The following RERE variants were observed in gnomAD, a reference collection of about 807,000 sequenced individuals.
The protein encoded by RERE is arginine-glutamic acid dipeptide repeats protein.
In RERE, 40 loss-of-function variants were observed where a neutral mutation model predicts 146.1. The ratio of observed to expected loss-of-function variants is 0.27; its 90% CI spans 0.21 to 0.36. The LOEUF (loss-of-function observed/expected upper bound fraction) is 0.36. Ranked by LOEUF, RERE falls within the 10% of genes least tolerant of loss-of-function variation. The probability of loss-of-function intolerance (pLI) is 1.00; values close to 1 mark genes in which losing one functional copy is unlikely to be tolerated. For missense variants in RERE, 1,933 were observed against 2,138.7 expected (o/e 0.90, Z 1.90); for synonymous variants, 1,003 against 866.0 (o/e 1.16, Z -2.78).
intron 1 of RERE, among the ~76,000 whole-genome samples, chr1:8,765,083 A>G (rs1640822202): frequency 6.6e-6 from 1 of 152,230 alleles, no homozygotes; most frequent in South Asian, 2.1e-4. Context: ...TTAACAGCCA[A>G]AAAGTAGAAC....
At chr1:8,650,022 C>T (rs1043742970) in intron 2 of RERE, among the ~76,000 whole-genome samples, 25 of 151,882 alleles carry the variant, frequency 1.6e-4, no homozygotes, top group Non-Finnish European at 3.1e-4. Flanking sequence ...AGTGTGTTAC[C>T]GAGACGAGAA....
intron 1 of RERE, among the ~76,000 whole-genome samples, chr1:8,673,664 A>G (rs1331785708): frequency 6.6e-6 from 1 of 152,244 alleles, no homozygotes; most frequent in African/African-American, 2.4e-5. Context: ...TGTGAAATAA[A>G]CAAAGGGCTC....
intron 12 of RERE, among the ~76,000 whole-genome samples, chr1:8,386,020 ATATTTTTTTT>A (rs1295620978): frequency 4.1e-4 from 15 of 36,692 alleles, no homozygotes; most frequent in African/African-American, 1.2e-3. Context: ...ATATATATAT[ATATTTTTTTT>A]TTTTTTTTTT....
chr1:8,383,589 G>A lies in RERE; in HGVS notation c.1285-17615C>T, dbSNP rs1012575971. Among the ~76,000 whole-genome samples, 10 of 152,214 alleles carry A rather than the reference G, an allele frequency of 6.6e-5. No homozygotes were observed. The East Asian group carries it at 1.2e-3, about 18-fold the overall frequency. On this transcript the variant is annotated intron_variant, in intron 12 of 22. Coordinates refer to ENST00000400908, the MANE Select transcript of RERE (RefSeq NM_001042681.2). ...CAATTTATGCCCAAGGGCCAGGTGC[G>A]GTGGCTCATACCTGTAATCCCAGCA...
At chr1:8,473,530 T>C (rs1644716999) in intron 10 of RERE, among the ~76,000 whole-genome samples, 1 of 152,230 alleles carries the variant, frequency 6.6e-6, no homozygotes, top group Admixed American at 6.5e-5. Flanking sequence ...ACTGTACTGA[T>C]TCATTCAGAG....
chr1:8,499,717 T>C (rs1016575768), intron 8 of RERE, among the ~76,000 whole-genome samples: 22 of 152,260 alleles, frequency 1.4e-4, no homozygotes, highest in African/African-American at 5.1e-4. Flanking sequence ...CAAGCTGACT[T>C]TCTCCAAGCA....
At chr1:8,767,780 T>A (rs1276877185) in intron 1 of RERE, among the ~76,000 whole-genome samples, 1 of 151,952 alleles carries the variant, frequency 6.6e-6, no homozygotes, top group Non-Finnish European at 1.5e-5. Flanking sequence ...CTGGCCAACA[T>A]GGTGAAACCT....
chr1:8,662,610 T>C (rs1283751628), intron 1 of RERE, among the ~76,000 whole-genome samples: 1 of 151,968 alleles, frequency 6.6e-6, no homozygotes, highest in Non-Finnish European at 1.5e-5. Flanking sequence ...GGTGGGAGGA[T>C]TGTTTGAGGC....
At position 8,802,407 on chromosome 1, in the gene RERE, T is replaced by A. The variant is rs1037798103; in HGVS notation, c.-145+14753A>T. Reference sequence around the variant, plus strand: ...TTTAAAAAGAAAATTGAAACACAATTTAATAATCCCCATCATAGAAGCAGC... The same window carrying A: ...TTTAAAAAGAAAATTGAAACACAATATAATAATCCCCATCATAGAAGCAGC... On this transcript the variant is annotated intron_variant, in intron 1 of 22. Coordinates refer to ENST00000400908, the MANE Select transcript of RERE (RefSeq NM_001042681.2). Among the ~76,000 whole-genome samples, 57 of 152,318 alleles carry A rather than the reference T, an allele frequency of 3.7e-4. 1 individual carries two copies. Among genetic ancestry groups the A allele is most frequent in the Admixed American group, 3.7e-3 (57 of 15,294 alleles).
chr1:8,521,942 A>G (rs74516117), intron 7 of RERE, among the ~76,000 whole-genome samples: 2,018 of 152,374 alleles, frequency 0.013, 44 homozygotes, highest in African/African-American at 0.046. Context: ...AATCACAAAT[A>G]AATGTGTAGC....
chr1:8,405,825 G>C (rs766128320), intron 12 of RERE, among the ~76,000 whole-genome samples: 1 of 152,060 alleles, frequency 6.6e-6, no homozygotes. Context: ...TTTTAGTAGA[G>C]AGAGTTTCAC....
chr1:8,433,746 G>C (rs962205468), intron 11 of RERE, among the ~76,000 whole-genome samples: 6 of 150,986 alleles, frequency 4.0e-5, no homozygotes, highest in African/African-American at 1.5e-4. Context: ...ATTTTTAGTA[G>C]AGACGGGGTT....
chr1:8,794,065 C>CA (rs999908345), intron 1 of RERE, among the ~76,000 whole-genome samples: 1,660 of 127,948 alleles, frequency 0.013, 17 homozygotes, highest in African/African-American at 0.022. Flanking sequence ...AAGACTGTCT[C>CA]AAAAAAAAAA....
At chr1:8,725,432 G>C (rs1222156451) in intron 1 of RERE, among the ~76,000 whole-genome samples, 1 of 152,114 alleles carries the variant, frequency 6.6e-6, no homozygotes, top group Non-Finnish European at 1.5e-5. Flanking sequence ...CGGGCATGGT[G>C]GTGGGCGCCT....
At chr1:8,429,961 A>G (rs2124481141) in intron 11 of RERE, 1 of 152,356 alleles carries the variant, frequency 6.6e-6, no homozygotes, top group Middle Eastern at 3.4e-3. Flanking sequence ...GACATGTCCT[A>G]AATGTTAAAT....
In RERE at chr1:8,600,399, C is replaced by T. The variant is rs373605141; in HGVS notation, c.522+14162G>A. On this transcript the variant is annotated intron_variant, in intron 4 of 22. Transcript: ENST00000400908. The stretch of plus-strand genomic sequence containing the variant: ...CTTTAAGAATTTTTTAACAATTCAT[C>T]AGATATCTTTGTGCATTTCCAACTT... Among the ~76,000 whole-genome samples, 28 of 152,296 alleles carry T rather than the reference C, an allele frequency of 1.8e-4. No individual in the cohort carries two copies. The East Asian group carries it at 2.5e-3, about 14-fold the overall frequency.
At chr1:8,373,264 C>A (rs1402759980) in intron 12 of RERE, among the ~76,000 whole-genome samples, 1 of 152,142 alleles carries the variant, frequency 6.6e-6, no homozygotes, top group African/African-American at 2.4e-5. Context: ...ATAATCTCTA[C>A]ACAATGCCTT....
At chr1:8,384,862 G>C (rs746904297) in intron 12 of RERE, among the ~76,000 whole-genome samples, 5 of 152,230 alleles carry the variant, frequency 3.3e-5, no homozygotes, top group Non-Finnish European at 7.3e-5. Context: ...GTGGCAGAGG[G>C]CAACAGCTGG....
chr1:8,563,074 T>G (rs1161664386), intron 4 of RERE, among the ~76,000 whole-genome samples: 1 of 152,150 alleles, frequency 6.6e-6, no homozygotes, highest in Admixed American at 6.5e-5. Context: ...AAGAAAAAGT[T>G]GCTGTTGAAG....
Sources: allele counts gnomAD v4.1 joint callset (sites outside exome capture counted in the v4.1 genomes callset), GRCh38; gene constraint gnomAD v4.1.1; transcripts MANE v1.5; gene names NCBI Gene and HGNC (gene_info 2026-07-23, HGNC 2026-07-21).